ABCC12: variants seen among roughly 807,000 people sequenced by gnomAD.
ABCC12 encodes the protein ATP-binding cassette sub-family C member 12.
A neutral mutation model predicts 151.1 loss-of-function variants in ABCC12; 142 were observed. The ratio of observed to expected loss-of-function variants is 0.94; its 90% CI spans 0.82 to 1.08. The LOEUF (loss-of-function observed/expected upper bound fraction) is 1.08. Among genes scored for constraint, ABCC12 ranks in the 50% least tolerant of loss-of-function variants. The probability of loss-of-function intolerance (pLI) is 0.00; values close to 1 mark genes in which losing one functional copy is unlikely to be tolerated. For missense variants in ABCC12, 1,638 were observed against 1,691.1 expected (o/e 0.97, Z 0.55); for synonymous variants, 645 against 646.4 (o/e 1.00, Z 0.03).
At chr16:48,145,754 C>T (rs1019344681) in intron 3 of ABCC12, among the ~76,000 whole-genome samples, 1 of 152,214 alleles carries the variant, frequency 6.6e-6, no homozygotes, top group Non-Finnish European at 1.5e-5. Flanking sequence ...ACAGCCGGCC[C>T]ACCTCCAGCA....
At chr16:48,102,370 T>TA (rs370086753) in intron 22 of ABCC12, among the ~76,000 whole-genome samples, 3 of 152,382 alleles carry the variant, frequency 2.0e-5, no homozygotes, top group Non-Finnish European at 4.4e-5. Context: ...AACTGAGCTT[T>TA]GAGCCCCTAT....
chr16:48,111,244 T>C (rs1490561724), intron 18 of ABCC12, among the ~76,000 whole-genome samples, 192 bp downstream of exon 18: 1 of 152,176 alleles, frequency 6.6e-6, no homozygotes, highest in East Asian at 1.9e-4. Flanking sequence ...TTGCTCAAGG[T>C]CACAAAACTA....
intron 13 of ABCC12, among the ~76,000 whole-genome samples, chr16:48,120,834 G>A (rs1477443495): frequency 9.2e-5 from 14 of 152,164 alleles, no homozygotes; most frequent in Non-Finnish European, 1.5e-4. Flanking sequence ...GATTACAGGC[G>A]TGAGCCACTG....
At position 48,081,379 on chromosome 16, in the gene ABCC12, C is replaced by T. The variant is rs573322969; in HGVS notation, c.*2336G>A. Among the ~76,000 whole-genome samples, 6 of 152,216 alleles carry T rather than the reference C, an allele frequency of 3.9e-5. No homozygotes were observed. The South Asian group carries it at 1.2e-3, about 32-fold the overall frequency. ...TTCGTGTCTTATACATGCAAACAGC[C>T]AAACCCTCAGAAGTCACTCTCCCCC... On this transcript the variant is annotated 3_prime_UTR_variant, in exon 31 of 31. Transcript: ENST00000311303.
In ABCC12 at chr16:48,110,398, GT is replaced by G. The variant is rs905215691; in HGVS notation, c.2281+1037del. 6.7e-5 allele frequency among the ~76,000 whole-genome samples: 10 copies of G among 149,378 alleles called. No homozygotes were observed. The East Asian group carries it at 7.8e-4, about 12-fold the overall frequency. Reference sequence around the variant, plus strand: ...TCTTAAATTTGATGAAATGTGCGAAGTTTTTTTTTTGGCTATGCATTATTGA... The same window carrying G: ...TCTTAAATTTGATGAAATGTGCGAAGTTTTTTTTTGGCTATGCATTATTGA... On this transcript the variant is annotated intron_variant, in intron 18 of 30. Coordinates refer to ENST00000311303, the MANE Select transcript of ABCC12 (RefSeq NM_001393797.1).
intron 12 of ABCC12, among the ~76,000 whole-genome samples, chr16:48,123,206 C>A (rs2150640495): frequency 6.6e-6 from 1 of 152,312 alleles, no homozygotes; most frequent in African/African-American, 2.4e-5. Flanking sequence ...ATCACTGGAG[C>A]TATCCGAGCA....
At chr16:48,119,873 A>C (rs534441999) in intron 13 of ABCC12, among the ~76,000 whole-genome samples, 1 of 152,240 alleles carries the variant, frequency 6.6e-6, no homozygotes, top group African/African-American at 2.4e-5. Flanking sequence ...CCAAGACTCA[A>C]CTCTGACATT....
At chr16:48,133,578 T>C (rs1964503635) in intron 9 of ABCC12, 109 bp downstream of exon 9, 3 of 1,265,676 alleles carry the variant, frequency 2.4e-6, no homozygotes, top group South Asian at 1.5e-5. Flanking sequence ...TGGCCTGCCA[T>C]GATTGGATGT....
chr16:48,133,562 A>C, intron 9 of ABCC12, 125 bp downstream of exon 9: 1 of 1,198,642 alleles, frequency 8.3e-7, no homozygotes. Flanking sequence ...TTGAAGTCAC[A>C]TCCTGTGGCC....
In ABCC12 at chr16:48,115,560, C is replaced by T. The variant is rs547878738; in HGVS notation, c.1844G>A (p.Arg615His). Reference sequence around the variant, plus strand: ...GAGCTGACGGTCGGAGTAGACAGCGCGGGCCAGGCTAATCCTCTGCCTCTG... The same window carrying T: ...GAGCTGACGGTCGGAGTAGACAGCGTGGGCCAGGCTAATCCTCTGCCTCTG... ...GGQRQRISLA[R>H]AVYSDRQLYL... Residue 615 changes from arginine (R) to histidine (H), a missense_variant, in exon 15 of 31, where the codon CGC (arginine) becomes CAC (histidine). Transcript: ENST00000311303. 3.8e-5 allele frequency: 62 copies of T among 1,614,166 alleles called. No individual in the cohort carries two copies. Among genetic ancestry groups the T allele is most frequent in the Middle Eastern group, 1.7e-4 (1 of 6,060 alleles).
Position 48,088,621 on chromosome 16 carries a change from G to T in ABCC12, c.3399C>A (p.Thr1133=). 1 of 1,614,188 alleles carries T rather than the reference G, an allele frequency of 6.2e-7. No individual in the cohort carries two copies. The highest frequency in any genetic ancestry group is 1.6e-4 in the Middle Eastern group (1 of 6,062). The change falls in exon 26 of 31, where the codon ACC becomes ACA. Residue 1133 remains threonine (T), a synonymous_variant. Transcript: ENST00000311303. Reference sequence around the variant, plus strand: ...AGTTCAGGCTGTCGAGAACAAGGGGGGTGTTGTCTCTGTATCTCATCTGAT... The same window carrying T: ...AGTTCAGGCTGTCGAGAACAAGGGGTGTGTTGTCTCTGTATCTCATCTGAT... ...RDYQMRYRDN[T]PLVLDSLNLN... is the part of the protein sequence containing the mutation.
intron 8 of ABCC12, among the ~76,000 whole-genome samples, chr16:48,134,921 G>A (rs553482836): frequency 6.6e-6 from 1 of 151,994 alleles, no homozygotes. Flanking sequence ...GGGTGGTGAC[G>A]GGAGCCTGTA....
At chr16:48,150,217 CA>C (rs1965098725) in intron 2 of ABCC12, among the ~76,000 whole-genome samples, 1 of 152,128 alleles carries the variant, frequency 6.6e-6, no homozygotes, top group Admixed American at 6.6e-5. Flanking sequence ...ATACTGGTGT[CA>C]ACACTGAAGT....
At position 48,115,590 on chromosome 16, in the gene ABCC12, C is replaced by T; in HGVS notation, c.1814G>A (p.Gly605Glu). 1.9e-6 allele frequency: 3 copies of T among 1,614,002 alleles called. No individual in the cohort carries two copies. Among genetic ancestry groups the T allele is most frequent in the Non-Finnish European group, 1.7e-6 (2 of 1,179,942 alleles). The change falls in exon 15 of 31, where the codon GGG becomes GAG. Residue 605 changes from glycine (G) to glutamate (E), a missense_variant. Coordinates refer to ENST00000311303, the MANE Select transcript of ABCC12 (RefSeq NM_001393797.1). Reference protein sequence around the residue: ...EIGERGLNLSGGQRQRISLAR... With the variant: ...EIGERGLNLSEGQRQRISLAR... Reference sequence around the variant, plus strand: ...CAGGCTAATCCTCTGCCTCTGCCCCCCAGAGAGGTTGAGGCCCCGCTCCCC... The same window carrying T: ...CAGGCTAATCCTCTGCCTCTGCCCCTCAGAGAGGTTGAGGCCCCGCTCCCC...
At chr16:48,130,573 T>C (rs939360) in intron 10 of ABCC12, among the ~76,000 whole-genome samples, 8,629 of 152,250 alleles carry the variant, frequency 0.057, 824 homozygotes, top group African/African-American at 0.2. Context: ...TGTACAGAGA[T>C]TATCTCGTCA....
chr16:48,083,609 G>T lies in ABCC12; in HGVS notation c.*106C>A. 8.7e-7 allele frequency: 1 copy of T among 1,152,042 alleles called. No homozygotes were observed. The highest frequency in any genetic ancestry group is 1.3e-6 in the Non-Finnish European group (1 of 796,014). The allele number at this position is 1,152,042 out of a possible 1,614,324, so 71.4% of individuals were successfully genotyped here. On this transcript the variant is annotated 3_prime_UTR_variant, in exon 31 of 31. Transcript: ENST00000311303. ...CCAGCTCACTCCGTGGATGGGAGGG[G>T]CTGAAGACCAGGGCTGCCTGCGGAG...
intron 8 of ABCC12, among the ~76,000 whole-genome samples, chr16:48,137,944 T>G (rs1964667543): frequency 7.0e-6 from 1 of 142,834 alleles, no homozygotes; most frequent in African/African-American, 3.1e-5. Flanking sequence ...GCTCACAATG[T>G]TTTTAGTGGA....
At chr16:48,116,625 G>A (rs994754364) in intron 14 of ABCC12, among the ~76,000 whole-genome samples, 6 of 152,104 alleles carry the variant, frequency 3.9e-5, no homozygotes, top group Non-Finnish European at 8.8e-5. Context: ...AAGGCTTCAC[G>A]GCCACTTCCT....
At chr16:48,123,500 C>T (rs1297828226) in intron 12 of ABCC12, among the ~76,000 whole-genome samples, 1 of 152,196 alleles carries the variant, frequency 6.6e-6, no homozygotes, top group East Asian at 1.9e-4. Context: ...CTGGAGTCCC[C>T]ACTTCTTCAG....
Sources: gnomAD v4.1 joint callset for allele counts (sites outside exome capture counted in the v4.1 genomes callset) on GRCh38, gnomAD v4.1.1 for gene constraint, MANE v1.5 for transcripts, NCBI Gene and HGNC (gene_info 2026-07-23, HGNC 2026-07-21) for gene names.